NEK11: variants seen among roughly 807,000 people sequenced by gnomAD.
NEK11 encodes the protein serine/threonine-protein kinase Nek11.
Under a neutral mutation model 80.7 loss-of-function variants are expected in NEK11, and 72 were observed. The observed-to-expected ratio is 0.89, with a 90% CI of 0.74 to 1.08. The LOEUF is 1.08. Among genes scored for constraint, NEK11 ranks in the 50% least tolerant of loss-of-function variants. The pLI is 0.00. For synonymous variants in NEK11, 251 were observed against 260.7 expected (o/e 0.96, Z 0.36); for missense variants, 764 against 763.6 (o/e 1.00, Z -0.01).
chr3:131,311,276 T>G (rs577728626), intron 17 of NEK11, among the ~76,000 whole-genome samples: 1 of 152,332 alleles, frequency 6.6e-6, no homozygotes, highest in East Asian at 1.9e-4. Flanking sequence ...AAGTCCTCTC[T>G]TGTAGCTATT....
intron 10 of NEK11, 94 bp downstream of exon 10, chr3:131,155,215 G>A (rs2090447425): frequency 2.1e-5 from 16 of 773,550 alleles, no homozygotes; most frequent in South Asian, 3.5e-5. Context: ...TGACTGCATC[G>A]AGTATCCTAG....
chr3:131,221,756 A>G (rs1166765037), intron 14 of NEK11, among the ~76,000 whole-genome samples: 1 of 152,210 alleles, frequency 6.6e-6, no homozygotes, highest in Non-Finnish European at 1.5e-5. Flanking sequence ...TTTTCATTTA[A>G]CAGTTGCATC....
Position 131,349,597 on chromosome 3 carries a change from G to A in NEK11, c.1759G>A (p.Val587Ile), listed in dbSNP as rs1216972563. Residue 587 changes from valine to isoleucine, a missense_variant, in exon 18 of 18, where the codon GTC (valine) becomes ATC (isoleucine). By Grantham distance (29) the Val-to-Ile change is conservative. Coordinates refer to ENST00000383366, the MANE Select transcript of NEK11 (RefSeq NM_024800.5). ...QKLGTEVFEEVYNYLKRARHQ... is the reference protein window; with the variant it reads ...QKLGTEVFEEIYNYLKRARHQ... ...GCTGGGGACAGAAGTATTTGAAGAG[G>A]TCTATAATTACCTCAAGAGAGCAAG... The A allele has an allele frequency of 1.2e-6, 2 of 1,614,018 alleles. No individual in the cohort carries two copies. Among genetic ancestry groups the A allele is most frequent in the Non-Finnish European group, 1.7e-6 (2 of 1,180,028 alleles).
At chr3:131,163,128 G>T (rs994021131) in intron 11 of NEK11, among the ~76,000 whole-genome samples, 3 of 152,224 alleles carry the variant, frequency 2.0e-5, no homozygotes, top group Non-Finnish European at 4.4e-5. Flanking sequence ...CCCTTGTGCA[G>T]TAGTGGTGAG....
intron 3 of NEK11, among the ~76,000 whole-genome samples, chr3:131,034,902 T>A (rs1349059501): frequency 6.6e-6 from 1 of 152,204 alleles, no homozygotes; most frequent in Non-Finnish European, 1.5e-5. Context: ...AACTCAATAT[T>A]ATCTTACTTG....
At chr3:131,093,322 A>G (rs895467538) in intron 4 of NEK11, among the ~76,000 whole-genome samples, 17 of 152,218 alleles carry the variant, frequency 1.1e-4, no homozygotes, top group African/African-American at 4.1e-4. Context: ...TTCTGGCATA[A>G]TTTAGCTGCA....
rs544096983 is a variant in NEK11, at chr3:131,297,810, G to A, written c.1718+24236G>A. Among the ~76,000 whole-genome samples, 3 of 152,204 alleles carry A rather than the reference G, an allele frequency of 2.0e-5. No individual in the cohort carries two copies. In the South Asian group the frequency reaches 6.2e-4, roughly 32 times the overall value. ...TTATGGTTTCAGGTCTAATGTTTAA[G>A]TCTTTAATCCATCTTGAATTAATTT... is the stretch of plus-strand genomic sequence containing the variant. On this transcript the variant is annotated intron_variant, in intron 17 of 17. Coordinates refer to ENST00000383366, the MANE Select transcript of NEK11 (RefSeq NM_024800.5).
chr3:131,080,376 A>G, intron 3 of NEK11, 47 bp from the exon 4 acceptor site: 2 of 1,391,454 alleles, frequency 1.4e-6, no homozygotes, highest in African/African-American at 2.9e-5. Flanking sequence ...TATTTGTTAA[A>G]TGTGTTTTTC....
At chr3:131,145,412 C>T (rs1223437286) in intron 7 of NEK11, among the ~76,000 whole-genome samples, 3 of 152,122 alleles carry the variant, frequency 2.0e-5, no homozygotes, top group African/African-American at 7.2e-5. Context: ...GCCCTCTTTC[C>T]TTCCAAGCAA....
At position 131,162,468 on chromosome 3, in the gene NEK11, A is replaced by T. The variant is rs2091734388; in HGVS notation, c.1023A>T (p.Pro341=). The T allele has an allele frequency of 1.2e-6, 2 of 1,614,136 alleles. No homozygotes were observed. Among genetic ancestry groups the T allele is most frequent in the South Asian group, 2.2e-5 (2 of 91,080 alleles). ...TGTCAGAAGTACAGAAAATGACGCC[A>T]AGAGAAAGGATGCGGCTGAGGAAGC... The part of the protein sequence containing the change: ...RALSEVQKMT[P]RERMRLRKLQ... Residue 341 remains proline, a synonymous_variant, in exon 11 of 18, where the codon CCA becomes CCT. Transcript: ENST00000383366.
chr3:131,094,720 G>A (rs1290105893), intron 4 of NEK11, among the ~76,000 whole-genome samples: 3 of 152,168 alleles, frequency 2.0e-5, no homozygotes, highest in Non-Finnish European at 4.4e-5. Context: ...ATTGAAGGTA[G>A]GAATTGAGTG....
At chr3:131,099,321 G>T (rs2077991207) in intron 4 of NEK11, among the ~76,000 whole-genome samples, 1 of 152,080 alleles carries the variant, frequency 6.6e-6, no homozygotes, top group East Asian at 1.9e-4. Context: ...TGTAGCTACT[G>T]GTTTATGGGT....
intron 15 of NEK11, among the ~76,000 whole-genome samples, chr3:131,234,517 A>G (rs544626854): frequency 2.0e-5 from 3 of 152,294 alleles, no homozygotes; most frequent in East Asian, 3.9e-4. Context: ...CAGCCTTGCT[A>G]CAGTGTTAGT....
At chr3:131,338,279 T>TTC (rs1554024023) in intron 17 of NEK11, among the ~76,000 whole-genome samples, 2 of 149,150 alleles carry the variant, frequency 1.3e-5, no homozygotes, top group Non-Finnish European at 3.0e-5. Flanking sequence ...TTTTTTTTTT[T>TTC]TTTTTTTTTT....
At chr3:131,211,942 C>A (rs747540099) in intron 14 of NEK11, among the ~76,000 whole-genome samples, 1 of 152,048 alleles carries the variant, frequency 6.6e-6, no homozygotes, top group South Asian at 2.1e-4. Flanking sequence ...TTCTTATTAC[C>A]GATCTTCTGA....
At chr3:131,252,408 C>G (rs563270812) in intron 16 of NEK11, among the ~76,000 whole-genome samples, 5 of 152,146 alleles carry the variant, frequency 3.3e-5, no homozygotes, top group African/African-American at 1.2e-4. Context: ...TAATTTCAAC[C>G]AAGAAATTTT....
intron 17 of NEK11, among the ~76,000 whole-genome samples, chr3:131,336,281 T>C (rs954902407): frequency 6.6e-5 from 10 of 152,186 alleles, no homozygotes; most frequent in Non-Finnish European, 1.2e-4. Flanking sequence ...TATAGATCAA[T>C]GGAACAGAAC....
intron 17 of NEK11, among the ~76,000 whole-genome samples, chr3:131,296,137 G>A (rs1325265321): frequency 6.6e-6 from 1 of 152,070 alleles, no homozygotes; most frequent in Non-Finnish European, 1.5e-5. Context: ...CACCACACCT[G>A]GCCCAAGTCT....
intron 17 of NEK11, among the ~76,000 whole-genome samples, chr3:131,292,870 C>T (rs2109007941): frequency 6.6e-6 from 1 of 152,102 alleles, no homozygotes; most frequent in South Asian, 2.1e-4. Flanking sequence ...CGGTATTATG[C>T]TTTTAATTTC....
Sources: gnomAD v4.1 joint callset for allele counts (sites outside exome capture counted in the v4.1 genomes callset) on GRCh38, gnomAD v4.1.1 for gene constraint, MANE v1.5 for transcripts, NCBI Gene and HGNC (gene_info 2026-07-23, HGNC 2026-07-21) for gene names.